Variants in THBS4 observed in about 807,000 individuals in gnomAD.
THBS4 encodes the protein thrombospondin 4.
In THBS4, 90 loss-of-function variants were observed where a neutral mutation model predicts 115.7. That is an observed-to-expected ratio of 0.78 (90% CI 0.66 to 0.93). The LOEUF (loss-of-function observed/expected upper bound fraction) is 0.93, where lower values mean the gene tolerates loss of function less well. THBS4 is among the 40% of genes least tolerant of loss of function. The pLI is 0.00. For synonymous variants in THBS4, 460 were observed against 479.3 expected (o/e 0.96, Z 0.53); for missense variants, 1,087 against 1,232.7 (o/e 0.88, Z 1.77).
chr5:79,994,845 A>G (rs1286268748), intron 1 of THBS4, among the ~76,000 whole-genome samples: 1 of 152,256 alleles, frequency 6.6e-6, no homozygotes, highest in Admixed American at 6.5e-5. Flanking sequence ...ACTATTAGGA[A>G]GTACCATTTT....
chr5:80,028,317 A>G (rs1441819551), intron 2 of THBS4, among the ~76,000 whole-genome samples: 1 of 152,078 alleles, frequency 6.6e-6, no homozygotes, highest in Non-Finnish European at 1.5e-5. Flanking sequence ...TACTCCATCA[A>G]ACTGCTTTCA....
At chr5:80,016,751 A>G (rs994333560) in intron 2 of THBS4, among the ~76,000 whole-genome samples, 2 of 152,068 alleles carry the variant, frequency 1.3e-5, no homozygotes, top group East Asian at 3.9e-4. Flanking sequence ...CCTGTTAGTG[A>G]TTTGCACTGC....
chr5:80,017,721 C>G (rs1025409364), intron 2 of THBS4, among the ~76,000 whole-genome samples: 4 of 152,124 alleles, frequency 2.6e-5, no homozygotes, highest in Non-Finnish European at 4.4e-5. Flanking sequence ...TTCAGACTTT[C>G]AATTTGGATT....
At chr5:80,050,678 A>G (rs1833226276) in intron 2 of THBS4, among the ~76,000 whole-genome samples, 1 of 152,242 alleles carries the variant, frequency 6.6e-6, no homozygotes, top group Non-Finnish European at 1.5e-5. Context: ...GCAAAGGCAG[A>G]CTGGTCCCCA....
intron 2 of THBS4, among the ~76,000 whole-genome samples, chr5:80,044,579 C>T (rs1257736642): frequency 6.6e-6 from 1 of 152,042 alleles, no homozygotes; most frequent in African/African-American, 2.4e-5. Flanking sequence ...CGCACCACTA[C>T]GCCCAGCTAA....
intron 17 of THBS4, 166 bp from the exon 18 acceptor site, chr5:80,078,755 C>CTTTG: frequency 3.5e-6 from 2 of 577,508 alleles, no homozygotes; most frequent in Non-Finnish European, 5.7e-6. Context: ...CACATGCTTT[C>CTTTG]TTTGAGCACA....
chr5:80,019,724 G>A (rs953639671), intron 2 of THBS4: 3 of 199,880 alleles, frequency 1.5e-5, no homozygotes, highest in Non-Finnish European at 3.2e-5. Flanking sequence ...GTTAATAACT[G>A]TGCCATCTGC....
chr5:80,047,809 G>T (rs1176148848), intron 2 of THBS4, among the ~76,000 whole-genome samples: 1 of 151,414 alleles, frequency 6.6e-6, no homozygotes, highest in African/African-American at 2.4e-5. Flanking sequence ...AATTTTTTTT[G>T]TTGTTGTCGT....
rs145312661 is a variant in THBS4 at position 80,083,266 on chromosome 5, G to A, written c.*125G>A. The A allele has an allele frequency of 0.014, 12,177 of 845,436 alleles. 127 individuals are homozygous for A. Among genetic ancestry groups the A allele is most frequent in the Middle Eastern group, 0.021 (93 of 4,368 alleles). The allele number at this position is 845,436 out of a possible 1,614,324, so 52.4% of individuals were successfully genotyped here. On this transcript the variant is annotated 3_prime_UTR_variant, in exon 22 of 22. Coordinates refer to ENST00000350881, the MANE Select transcript of THBS4 (RefSeq NM_003248.6). ...GTTTTATGTGAATGTGGCAATAAAG[G>A]AGAAGAGATCATTTTTAAAAACCGT...
At chr5:80,070,504 A>T in intron 11 of THBS4, 94 bp downstream of exon 11, 1 of 1,434,468 alleles carries the variant, frequency 7.0e-7, no homozygotes, top group Non-Finnish European at 9.8e-7. Flanking sequence ...CTAATTTAAA[A>T]TTGTACTTGT....
chr5:80,021,374 TA>T (rs1832370626), intron 2 of THBS4, among the ~76,000 whole-genome samples: 1 of 152,224 alleles, frequency 6.6e-6, no homozygotes, highest in African/African-American at 2.4e-5. Context: ...GTCTTATCAC[TA>T]AATTTTTTCA....
At chr5:80,013,367 G>A (rs778215572) in intron 2 of THBS4, among the ~76,000 whole-genome samples, 14 of 151,630 alleles carry the variant, frequency 9.2e-5, no homozygotes, top group South Asian at 2.1e-4. Context: ...TCGAACTCCC[G>A]ACCTCAGGTG....
chr5:80,015,232 G>A (rs1442686421), intron 2 of THBS4, among the ~76,000 whole-genome samples: 1 of 152,226 alleles, frequency 6.6e-6, no homozygotes, highest in East Asian at 1.9e-4. Context: ...AGGGGATGGG[G>A]AAAGTTTTGG....
intron 2 of THBS4, among the ~76,000 whole-genome samples, chr5:80,007,235 T>A (rs1274567162): frequency 6.6e-6 from 1 of 152,220 alleles, no homozygotes; most frequent in Non-Finnish European, 1.5e-5. Flanking sequence ...GTAATTAAGT[T>A]TATTTTTTTC....
chr5:80,025,346 G>A (rs900062077), intron 2 of THBS4, among the ~76,000 whole-genome samples: 6 of 152,148 alleles, frequency 3.9e-5, no homozygotes, highest in Admixed American at 6.5e-5. Flanking sequence ...TCATAATCTC[G>A]CAGAAGAAGC....
At chr5:80,027,752 G>A (rs1307673053) in intron 2 of THBS4, among the ~76,000 whole-genome samples, 1 of 151,570 alleles carries the variant, frequency 6.6e-6, no homozygotes, top group East Asian at 1.9e-4. Flanking sequence ...TACAAAAATT[G>A]GCCAGGCATG....
Position 80,035,701 on chromosome 5 carries a change from T to C in THBS4, c.88+76T>C. 9.3e-7 allele frequency: 1 copy of C among 1,075,248 alleles called. No homozygotes were observed. Among genetic ancestry groups the C allele is most frequent in the Non-Finnish European group, 1.2e-6 (1 of 830,666 alleles). The allele number at this position is 1,075,248 out of a possible 1,614,324, so 66.6% of individuals were successfully genotyped here. A position where few individuals can be genotyped will look rare whatever the true frequency, so the allele number is the denominator to read the frequency against. ...CTGCTGAGTGAGTGGAGGGACTTGC[T>C]CGGCCCTGTGCTCCTGTGGCCTTGC... On this transcript the variant is annotated intron_variant, in intron 1 of 21. Transcript: ENST00000350881. The surrounding 1 kb of genome is among the most constrained non-coding windows in gnomAD (Gnocchi z 4.6).
At chr5:79,996,806 C>G (rs2151147898) in intron 1 of THBS4, among the ~76,000 whole-genome samples, 2 of 152,126 alleles carry the variant, frequency 1.3e-5, no homozygotes, top group South Asian at 4.2e-4. Context: ...GACAATTATA[C>G]TTAAAAAATG....
intron 2 of THBS4, among the ~76,000 whole-genome samples, chr5:80,044,605 A>T (rs763634661): frequency 2.0e-4 from 31 of 151,976 alleles, no homozygotes; most frequent in Admixed American, 4.6e-4. Context: ...CTATTTTTTT[A>T]GTAGAGATGG....
Sources: allele counts gnomAD v4.1 joint callset (sites outside exome capture counted in the v4.1 genomes callset), GRCh38; gene constraint gnomAD v4.1.1; non-coding constraint Gnocchi (gnomAD v3.1); transcripts MANE v1.5; gene names NCBI Gene and HGNC (gene_info 2026-07-23, HGNC 2026-07-21).